Variants in RIMS2 observed in about 807,000 individuals in gnomAD.
The protein encoded by RIMS2 is regulating synaptic membrane exocytosis 2, also known as regulating synaptic membrane exocytosis protein 2.
RIMS2 carries 59 observed loss-of-function variants against 174.4 expected under a neutral mutation model. That is an observed-to-expected ratio of 0.34 (90% CI 0.27 to 0.42). The LOEUF (loss-of-function observed/expected upper bound fraction) is 0.42, where lower values mean the gene tolerates loss of function less well. Ranked by LOEUF, RIMS2 falls within the 10% of genes least tolerant of loss-of-function variation. The probability of loss-of-function intolerance (pLI) is 1.00; values close to 1 mark genes in which losing one functional copy is unlikely to be tolerated. For missense variants in RIMS2, 1,620 were observed against 1,666.3 expected, an observed-to-expected ratio of 0.97 and a Z score of 0.48; for synonymous variants, 606 against 572.5, an observed-to-expected ratio of 1.06 and a Z score of -0.84.
intron 19 of RIMS2, among the ~76,000 whole-genome samples, chr8:104,058,330 C>G (rs1480558581): frequency 2.0e-5 from 3 of 146,806 alleles, no homozygotes; most frequent in African/African-American, 7.6e-5. Flanking sequence ...TGATGATGAG[C>G]ATTTTTTCAT....
chr8:103,501,301 C>A, intron 1 of RIMS2: 1 of 208,398 alleles, frequency 4.8e-6, no homozygotes, highest in Non-Finnish European at 9.3e-6. Flanking sequence ...GAGCCTTAGG[C>A]GGTGTGATTT....
chr8:104,050,786 A>C (rs1471146813), intron 19 of RIMS2, among the ~76,000 whole-genome samples: 2 of 152,210 alleles, frequency 1.3e-5, no homozygotes, highest in Non-Finnish European at 2.9e-5. Flanking sequence ...CATTTGTAAT[A>C]AGCCAAGTTT....
chr8:104,017,552 T>G (rs2095953305), intron 19 of RIMS2, among the ~76,000 whole-genome samples: 1 of 152,152 alleles, frequency 6.6e-6, no homozygotes, highest in Non-Finnish European at 1.5e-5. Flanking sequence ...TTGTAAAATG[T>G]CATTTTCTCT....
At chr8:103,586,914 T>A (rs1267075628) in intron 1 of RIMS2, among the ~76,000 whole-genome samples, 2 of 152,040 alleles carry the variant, frequency 1.3e-5, no homozygotes, top group African/African-American at 4.8e-5. Context: ...TTACAACTGA[T>A]ATTGCAGATA....
intron 3 of RIMS2, among the ~76,000 whole-genome samples, chr8:103,865,371 G>T (rs1013081344): frequency 7.2e-6 from 1 of 138,926 alleles, no homozygotes; most frequent in Non-Finnish European, 1.5e-5. Flanking sequence ...TGCAACCTCC[G>T]CCTCCTGGGT....
chr8:104,102,366 A>G (rs947615480), intron 19 of RIMS2, among the ~76,000 whole-genome samples: 3 of 152,144 alleles, frequency 2.0e-5, no homozygotes, highest in African/African-American at 7.2e-5. Context: ...CACTGGGCAC[A>G]ATTTCTTCCC....
intron 1 of RIMS2, among the ~76,000 whole-genome samples, chr8:103,552,024 G>A (rs1848180013): frequency 6.6e-6 from 1 of 152,104 alleles, no homozygotes; most frequent in African/African-American, 2.4e-5. Context: ...TGGCCATACT[G>A]CCCAAGGTAA....
intron 19 of RIMS2, among the ~76,000 whole-genome samples, chr8:104,204,233 A>G (rs2099069140): frequency 2.6e-5 from 4 of 152,232 alleles, no homozygotes; most frequent in Admixed American, 2.6e-4. Flanking sequence ...CTATCTATAT[A>G]TGCAATGTTA....
chr8:103,763,856 C>T (rs1476496295), intron 2 of RIMS2, among the ~76,000 whole-genome samples: 2 of 152,204 alleles, frequency 1.3e-5, no homozygotes, highest in African/African-American at 4.8e-5. Context: ...GGTAAACTGA[C>T]AAGGCTGTGT....
intron 19 of RIMS2, among the ~76,000 whole-genome samples, chr8:104,138,949 C>T (rs1001765323): frequency 6.6e-6 from 1 of 152,090 alleles, no homozygotes; most frequent in African/African-American, 2.4e-5. Flanking sequence ...TTGTATATGG[C>T]AAGAGATAGG....
intron 1 of RIMS2, among the ~76,000 whole-genome samples, chr8:103,639,363 T>C (rs549245932): frequency 6.6e-5 from 10 of 152,064 alleles, no homozygotes; most frequent in African/African-American, 2.4e-4. Context: ...CATAATTCCA[T>C]GGGTTTTGAC....
intron 1 of RIMS2, among the ~76,000 whole-genome samples, chr8:103,607,496 G>A (rs544143053): frequency 2.6e-5 from 4 of 151,200 alleles, no homozygotes; most frequent in African/African-American, 9.8e-5. Flanking sequence ...TGCTCTTCTT[G>A]AGGAGTATCT....
chr8:103,797,807 T>C (rs887965501), intron 3 of RIMS2, among the ~76,000 whole-genome samples: 15 of 152,212 alleles, frequency 9.9e-5, no homozygotes, highest in African/African-American at 4.8e-5. Flanking sequence ...TTGCTTTTTT[T>C]CCATGTTCTC....
chr8:103,515,458 T>A (rs1246005261), intron 1 of RIMS2, among the ~76,000 whole-genome samples: 1 of 152,184 alleles, frequency 6.6e-6, no homozygotes, highest in Non-Finnish European at 1.5e-5. Context: ...TTCAATGATA[T>A]TTTTAACCCA....
At chr8:104,108,069 TTTGG>T (rs926738305) in intron 19 of RIMS2, among the ~76,000 whole-genome samples, 5 of 149,374 alleles carry the variant, frequency 3.3e-5, no homozygotes, top group African/African-American at 7.4e-5. Flanking sequence ...TTAGGAACAA[TTTGG>T]TTGGTTGGTT....
chr8:103,706,857 A>G lies in RIMS2; in HGVS notation c.387+9561A>G, dbSNP rs2097236871. On this transcript the variant is annotated intron_variant, in intron 2 of 23. Coordinates refer to ENST00000504942, the Ensembl canonical transcript of RIMS2. ...TCTAGGTTTGGAAAGTTCTCTTATTATTTCTTTAAATACATTTTTTACCCA... is the reference window on the plus strand; with the variant it reads ...TCTAGGTTTGGAAAGTTCTCTTATTGTTTCTTTAAATACATTTTTTACCCA... 2.0e-5 allele frequency among the ~76,000 whole-genome samples: 3 copies of G among 151,846 alleles called. No individual in the cohort carries two copies. The South Asian group carries it at 6.2e-4, about 32-fold the overall frequency.
chr8:104,228,879 A>G (rs561686792), intron 19 of RIMS2, among the ~76,000 whole-genome samples: 25 of 152,360 alleles, frequency 1.6e-4, no homozygotes, highest in African/African-American at 5.3e-4. Context: ...GATTTACATT[A>G]TAACAGACAA....
intron 4 of RIMS2, among the ~76,000 whole-genome samples, chr8:103,903,912 G>A (rs1442790678): frequency 1.3e-5 from 2 of 152,104 alleles, no homozygotes; most frequent in African/African-American, 2.4e-5. Flanking sequence ...ATGCTTCACC[G>A]AGTTTCCTCA....
intron 19 of RIMS2, among the ~76,000 whole-genome samples, chr8:104,077,687 G>A (rs1056213808): frequency 9.4e-5 from 13 of 137,626 alleles, no homozygotes; most frequent in Non-Finnish European, 6.4e-5. Context: ...CTGAACTCAG[G>A]GTTCAGAGCT....
Sources: allele counts gnomAD v4.1 joint callset (sites outside exome capture counted in the v4.1 genomes callset), GRCh38; gene constraint gnomAD v4.1.1; transcripts MANE v1.5; gene names NCBI Gene and HGNC (gene_info 2026-07-23, HGNC 2026-07-21).